DOCK7: variants seen among roughly 807,000 people sequenced by gnomAD.
The protein encoded by DOCK7 is dedicator of cytokinesis protein 7.
Under a neutral mutation model 271.0 loss-of-function variants are expected in DOCK7, and 138 were observed. That is an observed-to-expected ratio of 0.51 (90% CI 0.44 to 0.59). The LOEUF is 0.59. Among genes scored for constraint, DOCK7 ranks in the 20% least tolerant of loss-of-function variants. DOCK7 has a pLI of 0.00. For missense variants in DOCK7, 2,066 were observed against 2,592.4 expected, an observed-to-expected ratio of 0.80 and a Z score of 4.41; for synonymous variants, 823 against 876.1, an observed-to-expected ratio of 0.94 and a Z score of 1.07.
intron 7 of DOCK7, among the ~76,000 whole-genome samples, chr1:62,645,332 T>C (rs901463718): frequency 1.3e-5 from 2 of 151,558 alleles, no homozygotes; most frequent in South Asian, 4.2e-4. Flanking sequence ...CAATGGAATA[T>C]CACTCAGCAA....
intron 7 of DOCK7, among the ~76,000 whole-genome samples, chr1:62,642,664 T>C (rs1020315696): frequency 6.6e-6 from 1 of 152,236 alleles, no homozygotes; most frequent in Non-Finnish European, 1.5e-5. Context: ...TTTTGTTCTA[T>C]CTTAATTATT....
chr1:62,609,658 A>G (rs1256179036), intron 14 of DOCK7: 3 of 152,174 alleles, frequency 2.0e-5, no homozygotes, highest in Admixed American at 2.0e-4. Flanking sequence ...TGAACATATT[A>G]TAATTCTCAG....
intron 4 of DOCK7, among the ~76,000 whole-genome samples, chr1:62,649,527 T>C (rs1657079470): frequency 6.6e-6 from 1 of 152,202 alleles, no homozygotes; most frequent in Non-Finnish European, 1.5e-5. Context: ...AGTGTCTTAA[T>C]TTGTAAAGCT....
chr1:62,657,679 AAACTCTCTG>A (rs1354856587), intron 2 of DOCK7, among the ~76,000 whole-genome samples: 2 of 152,192 alleles, frequency 1.3e-5, no homozygotes, highest in Non-Finnish European at 2.9e-5. Context: ...GAAAAACCAG[AAACTCTCTG>A]TAAAGAAACA....
chr1:62,597,219 T>C (rs1322756709), intron 14 of DOCK7, among the ~76,000 whole-genome samples: 2 of 152,184 alleles, frequency 1.3e-5, no homozygotes, highest in Admixed American at 1.3e-4. Context: ...AAAAGTTTAT[T>C]TTTGACTTGT....
chr1:62,529,867 G>A (rs570173304), intron 29 of DOCK7, among the ~76,000 whole-genome samples: 2 of 151,852 alleles, frequency 1.3e-5, no homozygotes, highest in African/African-American at 2.4e-5. Context: ...TCCCTTTTTC[G>A]GAAAGAAAAA....
At chr1:62,577,441 T>C in intron 17 of DOCK7, 78 bp from the exon 18 acceptor site, 1 of 1,042,022 alleles carries the variant, frequency 9.6e-7, no homozygotes, top group Non-Finnish European at 1.3e-6. Flanking sequence ...TTTAAGAACT[T>C]GGTACAAGCC....
Position 62,662,947 on chromosome 1 carries a change from T to C in DOCK7, c.144+78A>G, listed in dbSNP as rs927972682. 4.5e-5 allele frequency: 52 copies of C among 1,166,630 alleles called. 1 individual carries two copies. The highest frequency in any genetic ancestry group is 5.9e-5 in the Non-Finnish European group (47 of 797,788). The allele number at this position is 1,166,630 out of a possible 1,614,324, so 72.3% of individuals were successfully genotyped here. A position where few individuals can be genotyped will look rare whatever the true frequency, so the allele number is the denominator to read the frequency against. ...AGACTAATGACGGAACCCAATTAGC[T>C]CTTATCTTTCCACTATTTTTTCATG... On this transcript the variant is annotated intron_variant, in intron 2 of 49. Transcript: ENST00000635253.
intron 18 of DOCK7, among the ~76,000 whole-genome samples, chr1:62,572,392 A>G (rs967457375): frequency 6.6e-6 from 1 of 152,222 alleles, no homozygotes; most frequent in Non-Finnish European, 1.5e-5. Context: ...TCAATCATCA[A>G]TACAACCAAT....
chr1:62,504,620 A>G lies in DOCK7; in HGVS notation c.4764+10T>C. The G allele has an allele frequency of 6.2e-7, 1 of 1,606,286 alleles. No homozygotes were observed. The highest frequency in any genetic ancestry group is 8.5e-7 in the Non-Finnish European group (1 of 1,177,430). The stretch of plus-strand genomic sequence containing the variant: ...ATGAATACAGAGAATTTTCATGATA[A>G]AATACTTACATTCCCAATCTCAAAG... On this transcript the variant is annotated intron_variant, in intron 37 of 49. Coordinates refer to ENST00000635253, the MANE Select transcript of DOCK7 (RefSeq NM_001367561.1).
intron 1 of DOCK7, among the ~76,000 whole-genome samples, chr1:62,664,950 A>G (rs1571947668): frequency 6.6e-6 from 1 of 152,148 alleles, no homozygotes; most frequent in East Asian, 1.9e-4. Context: ...TTTGTCTGAA[A>G]AGACAGGAAC....
intron 7 of DOCK7, among the ~76,000 whole-genome samples, chr1:62,640,871 G>C (rs1469072062): frequency 1.3e-5 from 2 of 152,200 alleles, no homozygotes; most frequent in Non-Finnish European, 2.9e-5. Flanking sequence ...TCCTACTACT[G>C]ATCTTCTAAA....
chr1:62,546,816 T>C (rs1014808226), intron 22 of DOCK7, among the ~76,000 whole-genome samples: 3 of 152,138 alleles, frequency 2.0e-5, no homozygotes, highest in South Asian at 2.1e-4. Flanking sequence ...AAAAGGCTTA[T>C]GTTTTTCATA....
rs1241563219 is a variant in DOCK7, at chr1:62,539,800, T to C, written c.3138A>G (p.Ala1046=). 3 of 1,613,868 alleles carry C rather than the reference T, an allele frequency of 1.9e-6. No homozygotes were observed. Among genetic ancestry groups the C allele is most frequent in the Non-Finnish European group, 2.5e-6 (3 of 1,179,926 alleles). Residue 1046 remains alanine, a synonymous_variant, in exon 26 of 50, where the codon GCA becomes GCG. Coordinates refer to ENST00000635253, the MANE Select transcript of DOCK7 (RefSeq NM_001367561.1). The part of the protein sequence containing the change: ...RFPERFMDDI[A]ALVSTIASDI... Reference sequence around the variant, plus strand: ...CACTAGCAATCGTGCTGACAAGAGCTGCAATGTCATCCATGAAACGTTCTG... The same window carrying C: ...CACTAGCAATCGTGCTGACAAGAGCCGCAATGTCATCCATGAAACGTTCTG...
chr1:62,678,810 AAC>A (rs1444897426), intron 1 of DOCK7, among the ~76,000 whole-genome samples: 1 of 152,186 alleles, frequency 6.6e-6, no homozygotes, highest in Non-Finnish European at 1.5e-5. Flanking sequence ...AATGGAACAA[AAC>A]AGAGATCCCA....
intron 48 of DOCK7, among the ~76,000 whole-genome samples, chr1:62,471,959 A>C (rs1278754284): frequency 6.6e-6 from 1 of 152,204 alleles, no homozygotes; most frequent in Non-Finnish European, 1.5e-5. Flanking sequence ...TGACTATTGT[A>C]AAATACATAT....
chr1:62,645,156 G>A lies in DOCK7; in HGVS notation c.818+2535C>T, dbSNP rs961407283. ...AACAGTCTGGATAATTCCTCCAAAAGTTAAACATGGAGTTACTATACTAAC... is the reference window on the plus strand; with the variant it reads ...AACAGTCTGGATAATTCCTCCAAAAATTAAACATGGAGTTACTATACTAAC... On this transcript the variant is annotated intron_variant, in intron 7 of 49. Coordinates refer to ENST00000635253, the MANE Select transcript of DOCK7 (RefSeq NM_001367561.1). Among the ~76,000 whole-genome samples the A allele has an allele frequency of 6.6e-5, 10 of 152,084 alleles. No individual in the cohort carries two copies. The East Asian group carries it at 1.9e-3, about 29-fold the overall frequency.
chr1:62,609,936 C>T (rs1003796542), intron 14 of DOCK7, among the ~76,000 whole-genome samples: 8 of 152,100 alleles, frequency 5.3e-5, no homozygotes, highest in African/African-American at 1.7e-4. Flanking sequence ...CTGCAACCTC[C>T]GCCTCCTGGG....
intron 30 of DOCK7, 34 bp downstream of exon 30, chr1:62,529,243 T>C (rs762049363): frequency 1.3e-6 from 2 of 1,526,182 alleles, no homozygotes; most frequent in South Asian, 2.6e-5. Context: ...CATTGAGCTT[T>C]GCCTTTAATA....
Sources: gnomAD v4.1 joint callset for allele counts (sites outside exome capture counted in the v4.1 genomes callset) on GRCh38, gnomAD v4.1.1 for gene constraint, MANE v1.5 for transcripts, NCBI Gene and HGNC (gene_info 2026-07-23, HGNC 2026-07-21) for gene names.